PGAM1: variants seen among roughly 807,000 people sequenced by gnomAD.
PGAM1 encodes phosphoglycerate mutase 1, also known as BPG-dependent PGAM 1.
In PGAM1, 21 loss-of-function variants were observed where a neutral mutation model predicts 23.5. The observed-to-expected ratio is 0.89, with a 90% confidence interval of 0.63 to 1.29. The LOEUF is 1.29. Among genes scored for constraint, PGAM1 ranks in the 50% most tolerant of loss-of-function variants. The pLI is 0.00. For synonymous variants in PGAM1, 109 were observed against 128.6 expected (o/e 0.85, Z 1.03); for missense variants, 232 against 336.3 (o/e 0.69, Z 2.42).
chr10:97,431,027 G>C lies in PGAM1; in HGVS notation c.487G>C (p.Ala163Pro), dbSNP rs923029571. 5 of 1,613,940 alleles carry C rather than the reference G, an allele frequency of 3.1e-6. No individual in the cohort carries two copies. Among genetic ancestry groups the C allele is most frequent in the Non-Finnish European group, 4.2e-6 (5 of 1,179,874 alleles). Reference sequence around the variant, plus strand: ...GAGTCTGAAGGATACTATTGCCAGAGCTCTGCCCTTCTGGAATGAAGAAAT... The same window carrying C: ...GAGTCTGAAGGATACTATTGCCAGACCTCTGCCCTTCTGGAATGAAGAAAT... Reference protein sequence around the residue: ...CESLKDTIARALPFWNEEIVP... With the variant: ...CESLKDTIARPLPFWNEEIVP... Residue 163 changes from alanine (A) to proline (P), a missense_variant, in exon 3 of 4, where the codon GCT becomes CCT. Around this residue, in one of 3 missense-constraint regions of PGAM1, gnomAD observed 191 missense variants for 241.7 expected, o/e 0.79. Transcript: ENST00000334828.
Position 97,431,041 on chromosome 10 carries a change from G to C in PGAM1, c.501G>C (p.Trp167Cys). The C allele has an allele frequency of 6.2e-7, 1 of 1,614,042 alleles. No homozygotes were observed. Among genetic ancestry groups the C allele is most frequent in the Non-Finnish European group, 8.5e-7 (1 of 1,179,986 alleles). ...CTATTGCCAGAGCTCTGCCCTTCTG[G>C]AATGAAGAAATAGTTCCCCAGATCA... is the stretch of plus-strand genomic sequence containing the variant. ...KDTIARALPF[W>C]NEEIVPQIKE... is the part of the protein sequence containing the mutation. The change falls in exon 3 of 4, where the codon TGG (tryptophan) becomes TGC (cysteine). Residue 167 changes from tryptophan to cysteine, a missense_variant. By Grantham distance (215) the Trp-to-Cys change is radical (BLOSUM62 -2). Coordinates refer to ENST00000334828, the MANE Select transcript of PGAM1 (RefSeq NM_002629.4).
At chr10:97,432,028 T>A (rs966977044) in intron 3 of PGAM1, among the ~76,000 whole-genome samples, 4 of 152,208 alleles carry the variant, frequency 2.6e-5, no homozygotes, top group Non-Finnish European at 4.4e-5. Flanking sequence ...TGATTTTTGG[T>A]TGGATGGGCT....
intron 1 of PGAM1, chr10:97,427,918 A>C: frequency 8.1e-7 from 1 of 1,241,242 alleles, no homozygotes. Flanking sequence ...AGCAAAACGC[A>C]GGACAGTCTG....
rs778091331 is a variant in PGAM1, at chr10:97,432,360, T to C, written c.601T>C (p.Ser201Pro). The C allele has an allele frequency of 5.6e-6, 9 of 1,612,096 alleles. 1 individual carries two copies. Among genetic ancestry groups the C allele is most frequent in the South Asian group, 4.4e-5 (4 of 90,998 alleles). The change falls in exon 4 of 4, where the codon TCT (serine) becomes CCT (proline). Residue 201 changes from serine (S) to proline (P), a missense_variant. Ser to Pro is a moderately conservative substitution (Grantham distance 74). Transcript: ENST00000334828. ...RGIVKHLEGLSEEAIMELNLP... is the reference protein window; with the variant it reads ...RGIVKHLEGLPEEAIMELNLP... ...ATGATGGTGGATGTTTTCAGGTCTC[T>C]CTGAAGAGGCTATCATGGAGCTGAA...
At chr10:97,427,946 C>A (rs186979149) in intron 1 of PGAM1, 1 of 589,236 alleles carries the variant, frequency 1.7e-6, no homozygotes, top group African/African-American at 1.9e-5. Flanking sequence ...TAAACCTCTG[C>A]GGGGTGGGGT....
At chr10:97,426,497 A>G (rs1845411672) in intron 1 of PGAM1, 51 bp downstream of exon 1, 4 of 1,508,396 alleles carry the variant, frequency 2.7e-6, no homozygotes, top group Non-Finnish European at 3.5e-6. Context: ...CCGGCCTCGG[A>G]GGCCGCCTGG....
rs764304437 is a variant in PGAM1, at chr10:97,432,471, A to G, written c.712A>G (p.Thr238Ala). 1 of 1,610,092 alleles carries G rather than the reference A, an allele frequency of 6.2e-7. No individual in the cohort carries two copies. The highest frequency in any genetic ancestry group is 1.1e-5 in the South Asian group (1 of 90,918). ...KPMQFLGDEE[T>A]VRKAMEAVAA... is the part of the protein sequence containing the mutation. The stretch of plus-strand genomic sequence containing the variant: ...CATGCAGTTTCTGGGGGATGAAGAG[A>G]CGGTGCGCAAAGCCATGGAAGCTGT... Residue 238 changes from threonine (T) to alanine (A), a missense_variant, in exon 4 of 4, where the codon ACG (threonine) becomes GCG (alanine). Transcript: ENST00000334828.
rs1287204159 is a variant in PGAM1, at chr10:97,427,694, C to T, written c.139+1248C>T. 7.3e-6 allele frequency: 9 copies of T among 1,228,338 alleles called. No individual in the cohort carries two copies. In the East Asian group the frequency reaches 4.6e-4, roughly 63 times the overall value. The allele number at this position is 1,228,338 out of a possible 1,614,324, so 76.1% of individuals were successfully genotyped here. ...GTCTGCTCTTTGTGGTGTTGGAATG[C>T]TAATAAGGAAGCATTCCCTGCTGCC... On this transcript the variant is annotated intron_variant, in intron 1 of 3. Coordinates refer to ENST00000334828, the MANE Select transcript of PGAM1 (RefSeq NM_002629.4).
At chr10:97,429,329 C>T (rs1260088551) in intron 1 of PGAM1, among the ~76,000 whole-genome samples, 1 of 152,120 alleles carries the variant, frequency 6.6e-6, no homozygotes, top group African/African-American at 2.4e-5. Flanking sequence ...TGGTCTCAAT[C>T]TCCTGACCTT....
chr10:97,430,514 A>G lies in PGAM1; in HGVS notation c.275A>G (p.Tyr92Cys), dbSNP rs778792998. 15 of 1,601,150 alleles carry G rather than the reference A, an allele frequency of 9.4e-6. No individual in the cohort carries two copies. Among genetic ancestry groups the G allele is most frequent in the African/African-American group, 2.7e-5 (2 of 74,852 alleles). The change falls in exon 2 of 4, where the codon TAT (tyrosine) becomes TGT (cysteine). Residue 92 changes from tyrosine to cysteine, a missense_variant. Tyr to Cys is a radical substitution (Grantham distance 194, BLOSUM62 -2). Around this residue, in one of 3 missense-constraint regions of PGAM1, gnomAD observed 191 missense variants for 241.7 expected, o/e 0.79. Coordinates refer to ENST00000334828, the MANE Select transcript of PGAM1 (RefSeq NM_002629.4). ...VRTWRLNERHYGGLTGLNKAE... is the reference protein window; with the variant it reads ...VRTWRLNERHCGGLTGLNKAE... ...ACTTGGCGCCTCAATGAGCGGCACT[A>G]TGGGGGTCTAACCGGTCTCAATAAA... is the stretch of plus-strand genomic sequence containing the variant.
intron 3 of PGAM1, 118 bp from the exon 4 acceptor site, chr10:97,432,237 G>A: frequency 7.3e-7 from 1 of 1,364,266 alleles, no homozygotes; most frequent in Non-Finnish European, 1.0e-6. Context: ...ATAAAGATCA[G>A]AAAGGGTGTC....
At chr10:97,427,167 G>C in intron 1 of PGAM1, 1 of 487,444 alleles carries the variant, frequency 2.1e-6, no homozygotes, top group Non-Finnish European at 2.7e-6. Context: ...AGGACGCCCT[G>C]TGCCTTAAAG....
At chr10:97,428,761 G>C (rs546976881) in intron 1 of PGAM1, among the ~76,000 whole-genome samples, 242 of 152,306 alleles carry the variant, frequency 1.6e-3, no homozygotes, top group African/African-American at 5.5e-3. Flanking sequence ...TGGCGGCTCA[G>C]TGATGAGACC....
At chr10:97,430,915 A>G in intron 2 of PGAM1, 40 bp from the exon 3 acceptor site, 1 of 1,611,128 alleles carries the variant, frequency 6.2e-7, no homozygotes, top group Non-Finnish European at 8.5e-7. Context: ...AACAGATGTA[A>G]CTCTTAATAA....
At chr10:97,427,458 C>T (rs1845422979) in intron 1 of PGAM1, 4 of 1,027,776 alleles carry the variant, frequency 3.9e-6, no homozygotes, top group South Asian at 7.0e-5. Context: ...TCTCATCTTT[C>T]CAAGGCCCCT....
rs746033214 is a variant in PGAM1 at position 97,426,351 on chromosome 10, C to T, written c.44C>T (p.Ala15Val). ...KLVLIRHGES[A>V]WNLENRFSGW... ...GTGCTGATCCGGCACGGCGAGAGCG[C>T]ATGGAACCTGGAGAACCGCTTCAGC... The change falls in exon 1 of 4, where the codon GCA becomes GTA. Residue 15 changes from alanine to valine, a missense_variant. This residue lies in a region of PGAM1 where 38 missense variants were observed against 77.1 expected (regional missense o/e 0.49). Coordinates refer to ENST00000334828, the MANE Select transcript of PGAM1 (RefSeq NM_002629.4). The T allele has an allele frequency of 1.2e-5, 20 of 1,610,222 alleles. No individual in the cohort carries two copies. The highest frequency in any genetic ancestry group is 1.7e-5 in the Non-Finnish European group (20 of 1,178,920).
At position 97,428,053 on chromosome 10, in the gene PGAM1, T is replaced by G. The variant is rs931027125; in HGVS notation, c.139+1607T>G. 1.4e-5 allele frequency: 9 copies of G among 628,978 alleles called. No homozygotes were observed. The African/African-American group carries it at 1.7e-4, about 12-fold the overall frequency. The allele number at this position is 628,978 out of a possible 1,614,324, so 39.0% of individuals were successfully genotyped here. ...TGCTGGTAAAGGAGGCCATTTTCTT[T>G]AGCTCTGTGGCAGGAAGAACTGTAT... On this transcript the variant is annotated intron_variant, in intron 1 of 3. Coordinates refer to ENST00000334828, the MANE Select transcript of PGAM1 (RefSeq NM_002629.4).
intron 1 of PGAM1, among the ~76,000 whole-genome samples, 156 bp from the exon 2 acceptor site, chr10:97,430,223 G>A (rs1021039499): frequency 2.6e-5 from 4 of 152,150 alleles, no homozygotes; most frequent in African/African-American, 9.7e-5. Flanking sequence ...TGTGACCTTG[G>A]ATAGAGTGCA....
Position 97,426,196 on chromosome 10 carries a change from C to A in PGAM1, c.-112C>A, listed in dbSNP as rs899092463. Reference sequence around the variant, plus strand: ...GCGAGTGGAAAGATTTGGGCGAGAACTTGCGCGGGAGCCGGACTGAGCGGT... The same window carrying A: ...GCGAGTGGAAAGATTTGGGCGAGAAATTGCGCGGGAGCCGGACTGAGCGGT... On this transcript the variant is annotated 5_prime_UTR_variant, in exon 1 of 4. Transcript: ENST00000334828. 1 of 1,520,352 alleles carries A rather than the reference C, an allele frequency of 6.6e-7. No homozygotes were observed. The highest frequency in any genetic ancestry group is 1.4e-5 in the African/African-American group (1 of 72,846). 94.2% of individuals were successfully genotyped at this position (1,520,352 alleles called of 1,614,324 possible).
Sources: gnomAD v4.1 joint callset for allele counts (sites outside exome capture counted in the v4.1 genomes callset) on GRCh38, gnomAD v4.1.1 for gene constraint, gnomAD v4.1.1 regional missense constraint, MANE v1.5 for transcripts, NCBI Gene and HGNC (gene_info 2026-07-23, HGNC 2026-07-21) for gene names.